The following TTLL7 variants were observed in gnomAD, a reference collection of about 807,000 sequenced individuals.
The protein encoded by TTLL7 is tubulin tyrosine ligase like 7.
A neutral mutation model predicts 120.2 loss-of-function variants in TTLL7; 53 were observed. The ratio of observed to expected loss-of-function variants is 0.44; its 90% CI spans 0.35 to 0.55. The LOEUF is 0.55. Ranked by LOEUF, TTLL7 falls within the 20% of genes least tolerant of loss-of-function variation. The pLI is 0.00. For missense variants in TTLL7, 803 were observed against 1,054.7 expected (o/e 0.76, Z 3.31); for synonymous variants, 353 against 351.7 (o/e 1.00, Z -0.04).
intron 1 of TTLL7, among the ~76,000 whole-genome samples, chr1:83,978,414 A>G (rs1168342032): frequency 1.3e-5 from 2 of 152,186 alleles, no homozygotes; most frequent in African/African-American, 2.4e-5. Flanking sequence ...CTCAAATGAG[A>G]CAGATAAATT....
At chr1:83,974,892 T>A (rs1490337474) in intron 1 of TTLL7, among the ~76,000 whole-genome samples, 1 of 152,046 alleles carries the variant, frequency 6.6e-6, no homozygotes, top group Non-Finnish European at 1.5e-5. Flanking sequence ...TGGAGGCCAA[T>A]TCCATAATTC....
intron 18 of TTLL7, among the ~76,000 whole-genome samples, chr1:83,892,990 G>A (rs2100736509): frequency 6.8e-6 from 1 of 146,122 alleles, no homozygotes; most frequent in African/African-American, 2.6e-5. Flanking sequence ...GAGAGGGGAG[G>A]GGAGGGGAGA....
intron 5 of TTLL7, among the ~76,000 whole-genome samples, chr1:83,947,905 CTTAAG>C (rs1207481427): frequency 2.0e-5 from 3 of 151,862 alleles, no homozygotes; most frequent in East Asian, 1.9e-4. Context: ...ACTCAACTTT[CTTAAG>C]TTAAGAAAAA....
intron 14 of TTLL7, among the ~76,000 whole-genome samples, chr1:83,912,679 T>C (rs1657781037): frequency 6.6e-6 from 1 of 152,140 alleles, no homozygotes; most frequent in Non-Finnish European, 1.5e-5. Context: ...CCAAAAAGCA[T>C]GATCTTCTTA....
chr1:83,959,825 G>A (rs1473571014), intron 1 of TTLL7, among the ~76,000 whole-genome samples: 1 of 152,104 alleles, frequency 6.6e-6, no homozygotes, highest in Non-Finnish European at 1.5e-5. Flanking sequence ...ATACATCAGT[G>A]ATACATGCTG....
chr1:83,951,132 G>A lies in TTLL7; in HGVS notation c.157+713C>T, dbSNP rs541708718. Among the ~76,000 whole-genome samples, 14 of 152,242 alleles carry A rather than the reference G, an allele frequency of 9.2e-5. No individual in the cohort carries two copies. The South Asian group carries it at 2.1e-3, about 23-fold the overall frequency. On this transcript the variant is annotated intron_variant, in intron 3 of 20. Transcript: ENST00000260505. ...TGGGAGTCCAAGGTGGGCGGATAAC[G>A]AGGTCAGGAGATAGAGACCATCCTG... is the stretch of plus-strand genomic sequence containing the variant.
chr1:83,971,648 A>G (rs1383681413), intron 1 of TTLL7, among the ~76,000 whole-genome samples: 4 of 151,712 alleles, frequency 2.6e-5, no homozygotes, highest in Non-Finnish European at 5.9e-5. Context: ...TTGGTTCTGT[A>G]CTCCATCATT....
chr1:83,906,375 C>T lies in TTLL7; in HGVS notation c.2081G>A (p.Arg694Gln), dbSNP rs775035250. 6 of 1,612,392 alleles carry T rather than the reference C, an allele frequency of 3.7e-6. No individual in the cohort carries two copies. The highest frequency in any genetic ancestry group is 4.5e-5 in the East Asian group (2 of 44,702). The stretch of plus-strand genomic sequence containing the variant: ...TTCTGCATCTGACTTTCCTGGAAAC[C>T]GGATCTTCATGTCTTTGAGAACAAA... ...TLFVLKDMKI[R>Q]FPGKSDAESE... Residue 694 changes from arginine to glutamine, a missense_variant, in exon 17 of 21, where the codon CGG (arginine) becomes CAG (glutamine). Arg to Gln is a conservative substitution (Grantham distance 43). Transcript: ENST00000260505.
intron 1 of TTLL7, among the ~76,000 whole-genome samples, chr1:83,994,858 A>G (rs1356486566): frequency 1.3e-5 from 2 of 152,188 alleles, no homozygotes; most frequent in African/African-American, 4.8e-5. Context: ...GAAGCTGGAG[A>G]CCTGGGAATC....
intron 19 of TTLL7, among the ~76,000 whole-genome samples, chr1:83,889,773 T>C (rs1045244183): frequency 2.0e-5 from 3 of 152,022 alleles, no homozygotes; most frequent in African/African-American, 7.2e-5. Context: ...TGTGGGAATG[T>C]GACAGAAAAA....
chr1:83,904,214 T>C (rs1656992976), intron 17 of TTLL7, 55 bp from the exon 18 acceptor site: 7 of 1,359,582 alleles, frequency 5.1e-6, no homozygotes, highest in East Asian at 2.3e-5. Context: ...ATTTTTTAAA[T>C]TAATTTGTGT....
At chr1:83,985,291 G>C (rs1652338994) in intron 1 of TTLL7, among the ~76,000 whole-genome samples, 1 of 152,160 alleles carries the variant, frequency 6.6e-6, no homozygotes, top group African/African-American at 2.4e-5. Flanking sequence ...TGCAGTTTGA[G>C]GTCCAAAGGG....
intron 13 of TTLL7, among the ~76,000 whole-genome samples, chr1:83,919,453 G>T (rs551752532): frequency 6.6e-6 from 1 of 151,986 alleles, no homozygotes; most frequent in African/African-American, 2.4e-5. Context: ...AAGAAGATAC[G>T]TTATTATAAT....
At chr1:83,877,339 C>T (rs552592220) in intron 20 of TTLL7, among the ~76,000 whole-genome samples, 26 of 151,848 alleles carry the variant, frequency 1.7e-4, no homozygotes, top group African/African-American at 6.3e-4. Flanking sequence ...TGTTATTTTC[C>T]TTTGCCATAA....
At chr1:83,885,847 G>A (rs1407568343) in intron 19 of TTLL7, among the ~76,000 whole-genome samples, 2 of 152,020 alleles carry the variant, frequency 1.3e-5, no homozygotes, top group Non-Finnish European at 2.9e-5. Flanking sequence ...AAGGTGAAGG[G>A]AGGTAAAAAT....
At chr1:83,950,209 G>A (rs555325361) in intron 3 of TTLL7, among the ~76,000 whole-genome samples, 3 of 151,896 alleles carry the variant, frequency 2.0e-5, no homozygotes, top group Non-Finnish European at 4.4e-5. Flanking sequence ...CCTTCCTTTC[G>A]ATCTTCTCAG....
chr1:83,929,485 C>A (rs1325698779), intron 9 of TTLL7, among the ~76,000 whole-genome samples: 1 of 152,098 alleles, frequency 6.6e-6, no homozygotes, highest in Non-Finnish European at 1.5e-5. Flanking sequence ...TCAGTATAGG[C>A]TGGCCTCTCC....
intron 1 of TTLL7, among the ~76,000 whole-genome samples, chr1:83,986,390 C>T (rs190116390): frequency 6.6e-5 from 10 of 152,128 alleles, no homozygotes; most frequent in Admixed American, 6.5e-4. Flanking sequence ...TCAATTGATA[C>T]TAAAAAAAGT....
intron 9 of TTLL7, among the ~76,000 whole-genome samples, chr1:83,930,279 A>C (rs1659486205): frequency 6.6e-6 from 1 of 152,106 alleles, no homozygotes; most frequent in Admixed American, 6.6e-5. Context: ...TTACATTCCA[A>C]GCTTTTCTCT....
Sources: allele counts gnomAD v4.1 joint callset (sites outside exome capture counted in the v4.1 genomes callset), GRCh38; gene constraint gnomAD v4.1.1; transcripts MANE v1.5; gene names NCBI Gene and HGNC (gene_info 2026-07-23, HGNC 2026-07-21).